The following CLNK variants were observed in gnomAD, a reference collection of about 807,000 sequenced individuals.
CLNK encodes the protein cytokine-dependent hematopoietic cell linker.
In CLNK, 74 loss-of-function variants were observed where a neutral mutation model predicts 68.6. The observed-to-expected ratio is 1.08, with a 90% CI of 0.89 to 1.31. CLNK has a LOEUF of 1.31. CLNK is among the 50% of genes most tolerant of loss of function. The pLI is 0.00. For synonymous variants in CLNK, 198 were observed against 172.2 expected, an observed-to-expected ratio of 1.15 and a Z score of -1.17; for missense variants, 553 against 515.3, an observed-to-expected ratio of 1.07 and a Z score of -0.71.
intron 1 of CLNK, among the ~76,000 whole-genome samples, chr4:10,677,459 A>G (rs1724918233): frequency 1.3e-5 from 2 of 152,088 alleles, no homozygotes. Context: ...GAGTAATACA[A>G]CTTAGAGTAG....
intron 16 of CLNK, among the ~76,000 whole-genome samples, chr4:10,509,558 C>G (rs1469174013): frequency 6.8e-6 from 1 of 146,816 alleles, no homozygotes; most frequent in African/African-American, 2.5e-5. Flanking sequence ...GAATTTTGCT[C>G]TTGTTGCCCT....
intron 16 of CLNK, among the ~76,000 whole-genome samples, chr4:10,511,825 G>T (rs1717595663): frequency 1.3e-5 from 2 of 152,224 alleles, no homozygotes; most frequent in East Asian, 3.9e-4. Flanking sequence ...ATGAACATGG[G>T]TGTACAAATA....
chr4:10,667,313 G>C lies in CLNK; in HGVS notation c.11+546C>G, dbSNP rs141183373. ...TTTTAAAACTGGTCCACCAAACTTTGCCAATTTCAAAGTCTTTTTTTTTCA... is the reference window on the plus strand; with the variant it reads ...TTTTAAAACTGGTCCACCAAACTTTCCCAATTTCAAAGTCTTTTTTTTTCA... On this transcript the variant is annotated intron_variant, in intron 2 of 18. Coordinates refer to ENST00000226951, the MANE Select transcript of CLNK (RefSeq NM_052964.4). 1.8e-3 allele frequency among the ~76,000 whole-genome samples: 273 copies of C among 150,226 alleles called. 1 individual carries two copies. Among genetic ancestry groups the C allele is most frequent in the African/African-American group, 6.5e-3 (264 of 40,854 alleles).
At chr4:10,528,214 T>C (rs1352736859) in intron 12 of CLNK, 120 bp from the exon 13 acceptor site, 11 of 412,480 alleles carry the variant, frequency 2.7e-5, no homozygotes, top group Non-Finnish European at 4.1e-5. Flanking sequence ...TTTGTTAGCA[T>C]AGTTCGTAGT....
intron 2 of CLNK, among the ~76,000 whole-genome samples, chr4:10,667,373 A>ATTTTTTT: frequency 7.1e-6 from 1 of 140,950 alleles, no homozygotes; most frequent in East Asian, 2.1e-4. Context: ...AGTCCTGCTA[A>ATTTTTTT]TTTTTTTTTT....
intron 15 of CLNK, among the ~76,000 whole-genome samples, chr4:10,516,094 A>G (rs1233370832): frequency 6.6e-6 from 1 of 152,096 alleles, no homozygotes; most frequent in East Asian, 1.9e-4. Flanking sequence ...GAACACAAAC[A>G]TGGAGTGAAG....
At chr4:10,706,944 G>GT in the CLNK span, among the ~76,000 whole-genome samples, 2 of 152,120 alleles carry the variant, frequency 1.3e-5, no homozygotes, top group African/African-American at 4.8e-5. Context: ...CCCTTTTGGT[G>GT]TTTAGGCATG....
At chr4:10,642,427 T>C (rs1313727310) in intron 2 of CLNK, among the ~76,000 whole-genome samples, 4 of 152,180 alleles carry the variant, frequency 2.6e-5, no homozygotes, top group Admixed American at 6.5e-5. Context: ...ACATTTTTTT[T>C]CTGGAGAGTC....
chr4:10,636,228 T>G (rs1376790621), intron 2 of CLNK, among the ~76,000 whole-genome samples: 1 of 152,226 alleles, frequency 6.6e-6, no homozygotes, highest in Non-Finnish European at 1.5e-5. Context: ...GTTCCATTCA[T>G]CTTGGAGTAG....
At chr4:10,499,410 T>G (rs547323114) in intron 18 of CLNK, among the ~76,000 whole-genome samples, 5 of 152,306 alleles carry the variant, frequency 3.3e-5, no homozygotes, top group African/African-American at 1.2e-4. Context: ...GCGTTATTCC[T>G]AACAGTGGTG....
At chr4:10,548,658 T>C (rs149921188) in intron 8 of CLNK, among the ~76,000 whole-genome samples, 1 of 152,326 alleles carries the variant, frequency 6.6e-6, no homozygotes, top group East Asian at 1.9e-4. Context: ...GTTGATTTAA[T>C]CCACCCCAAA....
At chr4:10,655,451 T>C (rs1723939253) in intron 2 of CLNK, among the ~76,000 whole-genome samples, 1 of 151,526 alleles carries the variant, frequency 6.6e-6, no homozygotes, top group Admixed American at 6.6e-5. Context: ...CCTGCTGAAG[T>C]GCTAGCTGGG....
intron 8 of CLNK, among the ~76,000 whole-genome samples, chr4:10,553,742 C>A (rs550968165): frequency 2.4e-4 from 36 of 152,342 alleles, no homozygotes; most frequent in Non-Finnish European, 4.3e-4. Context: ...GCGTGAGCCA[C>A]CGCGCTTGGC....
At chr4:10,523,309 G>A (rs1718158120) in intron 14 of CLNK, among the ~76,000 whole-genome samples, 1 of 152,174 alleles carries the variant, frequency 6.6e-6, no homozygotes, top group African/African-American at 2.4e-5. Flanking sequence ...TGCTGCCTGG[G>A]ACTGAGCTAA....
intron 4 of CLNK, among the ~76,000 whole-genome samples, chr4:10,577,545 A>G (rs967711287): frequency 6.6e-6 from 1 of 152,220 alleles, no homozygotes; most frequent in African/African-American, 2.4e-5. Flanking sequence ...TAGGTAGAAA[A>G]TCAAGTCAGA....
intron 17 of CLNK, among the ~76,000 whole-genome samples, chr4:10,507,630 A>ATTTTATT (rs746942094): frequency 4.0e-5 from 6 of 151,818 alleles, no homozygotes; most frequent in South Asian, 2.1e-4. Flanking sequence ...TGCCTGGCTA[A>ATTTTATT]TTTTATTTTT....
At chr4:10,628,775 C>T (rs991347558) in intron 2 of CLNK, among the ~76,000 whole-genome samples, 3 of 152,146 alleles carry the variant, frequency 2.0e-5, no homozygotes, top group Non-Finnish European at 4.4e-5. Context: ...CACATCTTAC[C>T]GTCTCTCCCA....
intron 4 of CLNK, among the ~76,000 whole-genome samples, chr4:10,575,649 C>T (rs1030421733): frequency 6.6e-6 from 1 of 152,206 alleles, no homozygotes; most frequent in African/African-American, 2.4e-5. Context: ...AGCCCTGGGG[C>T]GTTGGCTGTG....
chr4:10,677,728 C>T (rs1249389293), intron 1 of CLNK, among the ~76,000 whole-genome samples: 1 of 152,070 alleles, frequency 6.6e-6, no homozygotes, highest in Admixed American at 6.5e-5. Flanking sequence ...TTTCATGAGG[C>T]TTCCCCAGCC....
Sources: allele counts gnomAD v4.1 joint callset (sites outside exome capture counted in the v4.1 genomes callset), GRCh38; gene constraint gnomAD v4.1.1; transcripts MANE v1.5; gene names NCBI Gene and HGNC (gene_info 2026-07-23, HGNC 2026-07-21).